SLC17A6: variants seen among roughly 807,000 people sequenced by gnomAD.
The protein encoded by SLC17A6 is vesicular glutamate transporter 2.
A neutral mutation model predicts 67.1 loss-of-function variants in SLC17A6; 35 were observed. The ratio of observed to expected loss-of-function variants is 0.52; its 90% CI spans 0.40 to 0.69. The LOEUF is 0.69. SLC17A6 is among the 30% of genes least tolerant of loss of function. The probability of loss-of-function intolerance (pLI) is 0.00; values close to 1 mark genes in which losing one functional copy is unlikely to be tolerated. For missense variants in SLC17A6, 588 were observed against 723.9 expected (o/e 0.81, Z 2.15); for synonymous variants, 285 against 252.3 (o/e 1.13, Z -1.23).
intron 3 of SLC17A6, among the ~76,000 whole-genome samples, chr11:22,357,638 C>T (rs11026531): frequency 0.26 from 40,067 of 151,972 alleles, 5,587 homozygotes; most frequent in East Asian, 0.52. Flanking sequence ...CAGCTTATCA[C>T]GAGACAATCG....
intron 1 of SLC17A6, among the ~76,000 whole-genome samples, chr11:22,341,211 G>A (rs547682398): frequency 6.6e-6 from 1 of 152,328 alleles, no homozygotes; most frequent in South Asian, 2.1e-4. Context: ...GATCCTGCAA[G>A]AAAGTTAGGC....
intron 3 of SLC17A6, among the ~76,000 whole-genome samples, chr11:22,344,025 G>T (rs746711527): frequency 1.3e-5 from 2 of 152,144 alleles, no homozygotes; most frequent in Non-Finnish European, 2.9e-5. Flanking sequence ...CACCTGGAGA[G>T]ACACCCCTAA....
At chr11:22,340,376 G>A (rs2133856362) in intron 1 of SLC17A6, among the ~76,000 whole-genome samples, 1 of 152,326 alleles carries the variant, frequency 6.6e-6, no homozygotes, top group Middle Eastern at 3.4e-3. Context: ...TCATGAATAT[G>A]TTGTAGACTA....
At chr11:22,369,499 TGATTGATTGATAGTAGAATAATTGACTTA>T (rs1390324696) in intron 7 of SLC17A6, among the ~76,000 whole-genome samples, 1 of 152,020 alleles carries the variant, frequency 6.6e-6, no homozygotes, top group Non-Finnish European at 1.5e-5. Context: ...AGATAATTTA[TGATTGATTGATAGTAGAATAATTGACTTA>T]GATTGATTGG....
At chr11:22,369,398 G>A (rs1489705921) in intron 7 of SLC17A6, among the ~76,000 whole-genome samples, 3 of 151,916 alleles carry the variant, frequency 2.0e-5, no homozygotes, top group East Asian at 3.9e-4. Context: ...TACGCTGGGG[G>A]TAGACAAATG....
chr11:22,356,516 C>A (rs1855994681), intron 3 of SLC17A6, among the ~76,000 whole-genome samples: 1 of 151,896 alleles, frequency 6.6e-6, no homozygotes, highest in South Asian at 2.1e-4. Context: ...GAAGCGCCCA[C>A]TAATAATGAA....
chr11:22,342,278 G>GT (rs1302214766), intron 2 of SLC17A6, among the ~76,000 whole-genome samples: 1 of 152,142 alleles, frequency 6.6e-6, no homozygotes, highest in Non-Finnish European at 1.5e-5. Context: ...GAGCCACAAC[G>GT]TAAGAGGGTC....
At chr11:22,345,868 C>G (rs1172636884) in intron 3 of SLC17A6, among the ~76,000 whole-genome samples, 1 of 152,110 alleles carries the variant, frequency 6.6e-6, no homozygotes, top group Admixed American at 6.5e-5. Flanking sequence ...CCTGATACCC[C>G]TATTATTAAC....
rs1856183013 is a variant in SLC17A6 at position 22,372,341 on chromosome 11, ATACT to A, written c.1041+2155_1041+2158del. On this transcript the variant is annotated intron_variant, in intron 8 of 11. Transcript: ENST00000263160. The stretch of plus-strand genomic sequence containing the variant: ...GGCTAATACAATATATATCAGGTAA[ATACT>A]TTTTTCATTTTTTAAAACAAGTATA... Among the ~76,000 whole-genome samples, 4 of 150,832 alleles carry A rather than the reference ATACT, an allele frequency of 2.7e-5. No individual in the cohort carries two copies. In the South Asian group the frequency reaches 8.3e-4, roughly 31 times the overall value.
intron 8 of SLC17A6, among the ~76,000 whole-genome samples, chr11:22,372,455 T>C (rs1856184429): frequency 6.6e-6 from 1 of 151,670 alleles, no homozygotes; most frequent in Admixed American, 6.6e-5. Context: ...TTCAGGCCCT[T>C]GAAAATGGCA....
intron 3 of SLC17A6, 100 bp downstream of exon 3, chr11:22,343,465 G>A: frequency 1.0e-6 from 1 of 979,452 alleles, no homozygotes. Context: ...AGGGGTTTGA[G>A]GACTCCCGGG....
intron 3 of SLC17A6, among the ~76,000 whole-genome samples, chr11:22,357,962 C>T (rs1215478907): frequency 6.6e-6 from 1 of 152,092 alleles, no homozygotes; most frequent in East Asian, 1.9e-4. Context: ...TATTTTTACA[C>T]AAAATTATTT....
intron 3 of SLC17A6, among the ~76,000 whole-genome samples, chr11:22,353,710 C>T (rs1273912327): frequency 1.3e-5 from 2 of 152,210 alleles, no homozygotes; most frequent in Non-Finnish European, 2.9e-5. Flanking sequence ...TAAAGGACAT[C>T]TTCCATTTTA....
chr11:22,340,370 G>T (rs1855801724), intron 1 of SLC17A6, among the ~76,000 whole-genome samples: 1 of 152,186 alleles, frequency 6.6e-6, no homozygotes, highest in Non-Finnish European at 1.5e-5. Flanking sequence ...GAAATTTCAT[G>T]AATATGTTGT....
At position 22,370,131 on chromosome 11, in the gene SLC17A6, A is replaced by C; in HGVS notation, c.984A>C (p.Leu328Phe). The C allele has an allele frequency of 6.2e-7, 1 of 1,612,132 alleles. No individual in the cohort carries two copies. The highest frequency in any genetic ancestry group is 8.5e-7 in the Non-Finnish European group (1 of 1,179,052). The stretch of plus-strand genomic sequence containing the variant: ...TCTGCAGAAGCTGGACTTTTTATTT[A>C]TTGCTTATTAGTCAGCCAGCATATT... ...ANFCRSWTFY[L>F]LLISQPAYFE... Residue 328 changes from leucine (L) to phenylalanine (F), a missense_variant, in exon 8 of 12, where the codon TTA (leucine) becomes TTC (phenylalanine). This residue lies in a region of SLC17A6 where 414 missense variants were observed against 563.4 expected (regional missense o/e 0.73). Coordinates refer to ENST00000263160, the MANE Select transcript of SLC17A6 (RefSeq NM_020346.3).
intron 8 of SLC17A6, 83 bp from the exon 9 acceptor site, chr11:22,374,672 G>T: frequency 2.6e-6 from 3 of 1,156,458 alleles, no homozygotes; most frequent in South Asian, 1.8e-5. Context: ...AAGATGTGAT[G>T]ACAGATTCAG....
intron 3 of SLC17A6, among the ~76,000 whole-genome samples, chr11:22,345,233 A>T (rs1173692637): frequency 6.6e-6 from 1 of 151,714 alleles, no homozygotes; most frequent in African/African-American, 2.4e-5. Flanking sequence ...AAGCAAACTC[A>T]TTATTATCTG....
At chr11:22,368,494 C>G (rs115903402) in intron 7 of SLC17A6, among the ~76,000 whole-genome samples, 1 of 151,954 alleles carries the variant, frequency 6.6e-6, no homozygotes, top group Non-Finnish European at 1.5e-5. Context: ...CCATAATCTT[C>G]CCTTTAATCC....
At position 22,377,766 on chromosome 11, in the gene SLC17A6, T is replaced by C. The variant is rs757944178; in HGVS notation, c.*26T>C. ...CAAAACTAATTACTGGATTTATTTT[T>C]AGTGTTTGTGATTAAATTCATTGTG... On this transcript the variant is annotated 3_prime_UTR_variant, in exon 12 of 12. Transcript: ENST00000263160. 21 of 1,506,198 alleles carry C rather than the reference T, an allele frequency of 1.4e-5. No homozygotes were observed. Among genetic ancestry groups the C allele is most frequent in the Admixed American group, 2.3e-5 (1 of 44,392 alleles). The allele number at this position is 1,506,198 out of a possible 1,614,324, so 93.3% of individuals were successfully genotyped here.
Sources: allele counts gnomAD v4.1 joint callset (sites outside exome capture counted in the v4.1 genomes callset), GRCh38; gene constraint gnomAD v4.1.1; regional missense constraint gnomAD v4.1.1; transcripts MANE v1.5; gene names NCBI Gene and HGNC (gene_info 2026-07-23, HGNC 2026-07-21).